Variants in MCIDAS observed in about 807,000 individuals in gnomAD.
MCIDAS encodes the protein multiciliate differentiation and DNA synthesis associated cell cycle protein.
A neutral mutation model predicts 35.4 loss-of-function variants in MCIDAS; 23 were observed. The observed-to-expected ratio is 0.65, with a 90% CI of 0.47 to 0.92. The LOEUF is 0.92. MCIDAS is among the 40% of genes least tolerant of loss of function. The pLI is 0.00. For missense variants in MCIDAS, 480 were observed against 531.8 expected (o/e 0.90, Z 0.96); for synonymous variants, 228 against 235.2 (o/e 0.97, Z 0.28).
chr5:55,222,881 T>C, intron 4 of MCIDAS, 70 bp downstream of exon 4: 1 of 1,295,696 alleles, frequency 7.7e-7, no homozygotes, highest in Non-Finnish European at 1.1e-6. Flanking sequence ...GACCACGAAA[T>C]CTGAACTAGT....
chr5:55,222,676 A>T (rs1248476558), intron 4 of MCIDAS, among the ~76,000 whole-genome samples: 1 of 151,904 alleles, frequency 6.6e-6, no homozygotes, highest in Non-Finnish European at 1.5e-5. Flanking sequence ...CACACTCGTC[A>T]CTCAACCTCC....
chr5:55,224,389 G>A (rs866184434), intron 3 of MCIDAS, among the ~76,000 whole-genome samples: 1 of 152,144 alleles, frequency 6.6e-6, no homozygotes, highest in Non-Finnish European at 1.5e-5. Context: ...AACTTACTCT[G>A]CCCCTAACTT....
At chr5:55,222,137 C>T in intron 5 of MCIDAS, 39 bp downstream of exon 5, 1 of 1,528,506 alleles carries the variant, frequency 6.5e-7, no homozygotes, top group Non-Finnish European at 8.8e-7. Context: ...TATCCTGTCC[C>T]TGCCCCAGGA....
At position 55,222,288 on chromosome 5, in the gene MCIDAS, A is replaced by G; in HGVS notation, c.494T>C (p.Leu165Pro). ...CLSPPLDPRA[L>P]QSPPLRPPDV... ...TGGAGGGCGCAGCGGTGGTGACTGC[A>G]GGGCCCGTGGGTCCAGTGGCGGGGA... The change falls in exon 5 of 7, where the codon CTG becomes CCG. Residue 165 changes from leucine (L) to proline (P), a missense_variant. Physicochemically the swap from Leu to Pro is moderately conservative, Grantham distance 98. Transcript: ENST00000513312. The G allele has an allele frequency of 6.5e-7, 1 of 1,535,954 alleles. No homozygotes were observed. The highest frequency in any genetic ancestry group is 8.7e-7 in the Non-Finnish European group (1 of 1,146,822).
At position 55,223,145 on chromosome 5, in the gene MCIDAS, GCACTTGTAC is replaced by G. The variant is rs2111695240; in HGVS notation, c.310-131_310-123del. ...TGCAATATATGCACGTAACACAACT[GCACTTGTAC>G]CCCTAAGTCCCCCCAAATAAAACAA... On this transcript the variant is annotated intron_variant, in intron 3 of 6. Transcript: ENST00000513312. The surrounding 1 kb of genome is among the most constrained non-coding windows in gnomAD (Gnocchi z 4.4). 1 of 757,748 alleles carries G rather than the reference GCACTTGTAC, an allele frequency of 1.3e-6. No individual in the cohort carries two copies. 46.9% of individuals were successfully genotyped at this position (757,748 alleles called of 1,614,324 possible). A position where few individuals can be genotyped will look rare whatever the true frequency, so the allele number is the denominator to read the frequency against.
At chr5:55,222,131 C>T (rs1486038942) in intron 5 of MCIDAS, 45 bp downstream of exon 5, 1 of 1,523,038 alleles carries the variant, frequency 6.6e-7, no homozygotes, top group Non-Finnish European at 8.8e-7. Flanking sequence ...CCTCTATATC[C>T]TGTCCCTGCC....
chr5:55,227,104 C>A lies in MCIDAS; in HGVS notation c.35G>T (p.Arg12Leu), dbSNP rs1172080471. Residue 12 changes from arginine to leucine, a missense_variant, in exon 1 of 7, where the codon CGG becomes CTG. By Grantham distance (102) the Arg-to-Leu change is moderately radical (BLOSUM62 -2). Transcript: ENST00000513312. ...QACGGGAAGRRAFDSICPNRM... is the reference protein window; with the variant it reads ...QACGGGAAGRLAFDSICPNRM... ...GTTGGGGCAGATGCTGTCGAAGGCC[C>A]GACGGCCGGCCGCGCCGCCCCCGCA... 2.0e-6 allele frequency: 3 copies of A among 1,491,472 alleles called. No homozygotes were observed. In the Admixed American group the frequency reaches 6.6e-5, roughly 33 times the overall value. 92.4% of individuals were successfully genotyped at this position (1,491,472 alleles called of 1,614,324 possible).
In MCIDAS at chr5:55,222,358, A is replaced by G; in HGVS notation, c.424T>C (p.Phe142Leu). The G allele has an allele frequency of 6.5e-7, 1 of 1,531,044 alleles. No homozygotes were observed. Among genetic ancestry groups the G allele is most frequent in the South Asian group, 1.2e-5 (1 of 83,654 alleles). The allele number at this position is 1,531,044 out of a possible 1,614,324, so 94.8% of individuals were successfully genotyped here. A position where few individuals can be genotyped will look rare whatever the true frequency, so the allele number is the denominator to read the frequency against. ...MMSPTLASGD[F>L]PFSPCDISPF... Reference sequence around the variant, plus strand: ...GATATGTCGCAAGGAGAGAAGGGGAAGTCTCCGCTGGCCAGGGTAGGCGAC... The same window carrying G: ...GATATGTCGCAAGGAGAGAAGGGGAGGTCTCCGCTGGCCAGGGTAGGCGAC... The change falls in exon 5 of 7, where the codon TTC becomes CTC. Residue 142 changes from phenylalanine (F) to leucine (L), a missense_variant. By Grantham distance (22) the Phe-to-Leu change is conservative. Coordinates refer to ENST00000513312, the MANE Select transcript of MCIDAS (RefSeq NM_001190787.3).
intron 6 of MCIDAS, 26 bp from the exon 7 acceptor site, chr5:55,220,832 C>T: frequency 2.0e-6 from 3 of 1,512,130 alleles, no homozygotes; most frequent in Non-Finnish European, 2.7e-6. Flanking sequence ...AAGAGCGCCG[C>T]CCTGGGGCCT....
intron 3 of MCIDAS, among the ~76,000 whole-genome samples, chr5:55,224,751 C>T (rs2111698494): frequency 6.6e-6 from 1 of 152,332 alleles, no homozygotes; most frequent in East Asian, 1.9e-4. Context: ...CTCTGTCCAC[C>T]TTTCCCAGCA....
Position 55,227,234 on chromosome 5 carries a change from C to T in MCIDAS, c.-96G>A. 7.4e-7 allele frequency: 1 copy of T among 1,346,558 alleles called. No individual in the cohort carries two copies. Among genetic ancestry groups the T allele is most frequent in the Non-Finnish European group, 9.5e-7 (1 of 1,052,474 alleles). The allele number at this position is 1,346,558 out of a possible 1,614,324, so 83.4% of individuals were successfully genotyped here. A position where few individuals can be genotyped will look rare whatever the true frequency, so the allele number is the denominator to read the frequency against. On this transcript the variant is annotated 5_prime_UTR_variant, in exon 1 of 7. Transcript: ENST00000513312. ...GCACTCCCTTCAGTGCCTGCAGGCT[C>T]CGAAGCCAGCCAGAGGTTGGGGCAG...
chr5:55,222,011 T>A (rs1745366928), intron 5 of MCIDAS, among the ~76,000 whole-genome samples, 165 bp downstream of exon 5: 2 of 152,122 alleles, frequency 1.3e-5, no homozygotes, highest in Non-Finnish European at 2.9e-5. Context: ...CTTAACCAAT[T>A]TGGAAACAGG....
intron 5 of MCIDAS, 64 bp from the exon 6 acceptor site, chr5:55,221,190 C>T: frequency 8.3e-7 from 1 of 1,205,732 alleles, no homozygotes; most frequent in African/African-American, 1.5e-5. Flanking sequence ...GCATATCTGG[C>T]ATGAATCAAA....
At chr5:55,226,812 A>G in intron 2 of MCIDAS, 23 bp downstream of exon 2, 1 of 1,387,676 alleles carries the variant, frequency 7.2e-7, no homozygotes, top group Non-Finnish European at 9.3e-7. Context: ...CCCGAGGGGT[A>G]GCGTGGGTGC....
intron 1 of MCIDAS, 37 bp from the exon 2 acceptor site, chr5:55,226,968 C>G: frequency 6.7e-7 from 1 of 1,501,674 alleles, no homozygotes; most frequent in Non-Finnish European, 8.8e-7. Context: ...CGGGTCAGCC[C>G]TCGGGGCACC....
In MCIDAS at chr5:55,223,597, T is replaced by C. The variant is rs1745403457; in HGVS notation, c.310-574A>G. Among the ~76,000 whole-genome samples, 1 of 152,170 alleles carries C rather than the reference T, an allele frequency of 6.6e-6. No homozygotes were observed. Among genetic ancestry groups the C allele is most frequent in the African/African-American group, 2.4e-5 (1 of 41,450 alleles). ...GCCACCGAGCCGCCGCTGTAGGAGC[T>C]GAGAGCACGTCTTGAACACCGGATC... On this transcript the variant is annotated intron_variant, in intron 3 of 6. Coordinates refer to ENST00000513312, the MANE Select transcript of MCIDAS (RefSeq NM_001190787.3). The surrounding 1 kb of genome is among the most constrained non-coding windows in gnomAD (Gnocchi z 4.4).
At position 55,220,251 on chromosome 5, in the gene MCIDAS, T is replaced by G; in HGVS notation, c.*115A>C. ...TACAATGCATCGGTATCAAGATGCT[T>G]TTGTTCCTGAAAAAGTGTTTCAGGG... is the stretch of plus-strand genomic sequence containing the variant. On this transcript the variant is annotated 3_prime_UTR_variant, in exon 7 of 7. Transcript: ENST00000513312. 2.0e-6 allele frequency: 2 copies of G among 999,508 alleles called. No individual in the cohort carries two copies. The highest frequency in any genetic ancestry group is 2.9e-6 in the Non-Finnish European group (2 of 701,228). 61.9% of individuals were successfully genotyped at this position (999,508 alleles called of 1,614,324 possible).
Position 55,227,111 on chromosome 5 carries a change from C to G in MCIDAS, c.28G>C (p.Gly10Arg). Residue 10 changes from glycine to arginine, a missense_variant, in exon 1 of 7, where the codon GGC becomes CGC. Coordinates refer to ENST00000513312, the MANE Select transcript of MCIDAS (RefSeq NM_001190787.3). ...CAGATGCTGTCGAAGGCCCGACGGC[C>G]GGCCGCGCCGCCCCCGCACGCCTGC... MQACGGGAA[G>R]RRAFDSICPN... 1 of 1,483,698 alleles carries G rather than the reference C, an allele frequency of 6.7e-7. No homozygotes were observed. Among genetic ancestry groups the G allele is most frequent in the Non-Finnish European group, 8.9e-7 (1 of 1,124,794 alleles). The allele number at this position is 1,483,698 out of a possible 1,614,324, so 91.9% of individuals were successfully genotyped here.
Position 55,226,632 on chromosome 5 carries a change from A to G in MCIDAS, c.253T>C (p.Cys85Arg), listed in dbSNP as rs2111702077. ...TTIDLQDLAD[C>R]SSLLGSDAPP... The stretch of plus-strand genomic sequence containing the variant: ...GCGTCGGACCCGAGTAGCGAAGAGC[A>G]GTCAGCGAGGTCCTGCAGGTCTATG... The change falls in exon 3 of 7, where the codon TGC becomes CGC. Residue 85 changes from cysteine (C) to arginine (R), a missense_variant. By Grantham distance (180) the Cys-to-Arg change is radical. Transcript: ENST00000513312. The G allele has an allele frequency of 6.5e-7, 1 of 1,532,918 alleles. No individual in the cohort carries two copies. Among genetic ancestry groups the G allele is most frequent in the East Asian group, 2.5e-5 (1 of 40,544 alleles). 95.0% of individuals were successfully genotyped at this position (1,532,918 alleles called of 1,614,324 possible). A position where few individuals can be genotyped will look rare whatever the true frequency, so the allele number is the denominator to read the frequency against.
Sources: allele counts gnomAD v4.1 joint callset (sites outside exome capture counted in the v4.1 genomes callset), GRCh38; gene constraint gnomAD v4.1.1; non-coding constraint Gnocchi (gnomAD v3.1); transcripts MANE v1.5; gene names NCBI Gene and HGNC (gene_info 2026-07-23, HGNC 2026-07-21).